The following ALMS1 variants were observed in gnomAD, a reference collection of about 807,000 sequenced individuals.
The protein encoded by ALMS1 is centrosome-associated protein ALMS1.
A neutral mutation model predicts 352.2 loss-of-function variants in ALMS1; 271 were observed. The observed-to-expected ratio is 0.77, with a 90% CI of 0.70 to 0.85. The LOEUF (loss-of-function observed/expected upper bound fraction) is 0.85. ALMS1 is among the 40% of genes least tolerant of loss of function. The probability of loss-of-function intolerance (pLI) is 0.00; values close to 1 mark genes in which losing one functional copy is unlikely to be tolerated. For missense variants in ALMS1, 5,445 were observed against 4,870.7 expected (o/e 1.12, Z -3.51); for synonymous variants, 1,865 against 1,761.2 (o/e 1.06, Z -1.48).
intron 16 of ALMS1, among the ~76,000 whole-genome samples, chr2:73,579,974 CT>C (rs1478946859): frequency 6.6e-6 from 1 of 152,136 alleles, no homozygotes; most frequent in African/African-American, 2.4e-5. Context: ...CCTTCTGCCC[CT>C]TTCTTTCTCT....
At chr2:73,512,712 T>C (rs1206398724) in intron 10 of ALMS1, among the ~76,000 whole-genome samples, 1 of 152,222 alleles carries the variant, frequency 6.6e-6, no homozygotes, top group Non-Finnish European at 1.5e-5. Context: ...AATACAGATT[T>C]GGTGGCCGGT....
At chr2:73,571,504 A>G (rs1377092178) in intron 15 of ALMS1, among the ~76,000 whole-genome samples, 9 of 152,114 alleles carry the variant, frequency 5.9e-5, no homozygotes, top group Non-Finnish European at 8.8e-5. Flanking sequence ...GCCAAACAGG[A>G]GCCTTCAGGC....
chr2:73,429,694 C>T (rs944460927), intron 6 of ALMS1, among the ~76,000 whole-genome samples: 1 of 152,206 alleles, frequency 6.6e-6, no homozygotes, highest in African/African-American at 2.4e-5. Context: ...CCTTTGGAGA[C>T]CTAGTTGCCT....
intron 6 of ALMS1, among the ~76,000 whole-genome samples, chr2:73,431,004 A>G (rs1272511265): frequency 6.6e-6 from 1 of 152,124 alleles, no homozygotes; most frequent in Non-Finnish European, 1.5e-5. Flanking sequence ...ACTTTGTGCT[A>G]TGTGGAGAGC....
intron 9 of ALMS1, among the ~76,000 whole-genome samples, chr2:73,486,324 G>A (rs1160248612): frequency 3.3e-5 from 5 of 152,080 alleles, no homozygotes; most frequent in East Asian, 1.9e-4. Flanking sequence ...CACTGACGCC[G>A]CAAGGAAGGG....
At chr2:73,539,878 A>G (rs915247372) in intron 12 of ALMS1, among the ~76,000 whole-genome samples, 1 of 152,188 alleles carries the variant, frequency 6.6e-6, no homozygotes, top group Non-Finnish European at 1.5e-5. Context: ...ATATGAAACA[A>G]CCAAATCTAC....
At chr2:73,558,577 T>C (rs1429367046) in intron 14 of ALMS1, among the ~76,000 whole-genome samples, 1 of 152,242 alleles carries the variant, frequency 6.6e-6, no homozygotes, top group African/African-American at 2.4e-5. Context: ...TCAAATGCTA[T>C]ATACTTGCTC....
chr2:73,591,842 A>T (rs1405478475), intron 16 of ALMS1, among the ~76,000 whole-genome samples: 1 of 152,184 alleles, frequency 6.6e-6, no homozygotes, highest in East Asian at 1.9e-4. Context: ...CCTTTGGGAA[A>T]CATGCTGTCT....
intron 2 of ALMS1, among the ~76,000 whole-genome samples, chr2:73,412,827 A>C (rs1472304597): frequency 1.3e-5 from 2 of 151,972 alleles, no homozygotes; most frequent in African/African-American, 4.8e-5. Context: ...AAACCCTAGG[A>C]ATGGGTTTGT....
intron 3 of ALMS1, among the ~76,000 whole-genome samples, chr2:73,420,394 C>T (rs1671260225): frequency 6.6e-6 from 1 of 152,084 alleles, no homozygotes; most frequent in African/African-American, 2.4e-5. Flanking sequence ...ATGATTTTTG[C>T]ATTTTTAAAG....
intron 16 of ALMS1, among the ~76,000 whole-genome samples, chr2:73,589,108 A>C (rs1465984795): frequency 6.6e-6 from 1 of 152,036 alleles, no homozygotes; most frequent in Non-Finnish European, 1.5e-5. Context: ...ATGAATTATG[A>C]TTTTTTCTTT....
intron 11 of ALMS1, among the ~76,000 whole-genome samples, chr2:73,528,076 G>A (rs1673829621): frequency 6.6e-6 from 1 of 151,780 alleles, no homozygotes; most frequent in South Asian, 2.1e-4. Context: ...TTTCATTATT[G>A]ATTTCTAGTT....
intron 1 of ALMS1, among the ~76,000 whole-genome samples, chr2:73,398,790 C>T (rs913649023): frequency 2.0e-5 from 3 of 152,078 alleles, no homozygotes; most frequent in Non-Finnish European, 2.9e-5. Context: ...AACCTATATT[C>T]TGCAGTTTTG....
intron 6 of ALMS1, among the ~76,000 whole-genome samples, chr2:73,429,851 G>A (rs764020152): frequency 5.9e-5 from 9 of 152,096 alleles, no homozygotes; most frequent in Non-Finnish European, 1.0e-4. Flanking sequence ...AAATTAGACT[G>A]ACTTGTAGAG....
At chr2:73,386,880 CT>C (rs912007229) in intron 1 of ALMS1, among the ~76,000 whole-genome samples, 1 of 152,148 alleles carries the variant, frequency 6.6e-6, no homozygotes, top group Admixed American at 6.5e-5. Flanking sequence ...CCTTACCCCC[CT>C]TTTTTTAACT....
intron 6 of ALMS1, among the ~76,000 whole-genome samples, chr2:73,429,472 G>A (rs1371668449): frequency 4.0e-5 from 6 of 151,760 alleles, no homozygotes; most frequent in South Asian, 2.1e-4. Flanking sequence ...TAGTAGAGAC[G>A]GGGTTTCACC....
intron 2 of ALMS1, among the ~76,000 whole-genome samples, chr2:73,418,396 A>G (rs1671218564): frequency 6.6e-6 from 1 of 152,168 alleles, no homozygotes; most frequent in South Asian, 2.1e-4. Flanking sequence ...GTGAATTCCC[A>G]AGCTAAAGCT....
At chr2:73,568,996 T>TTC (rs1491228766) in intron 15 of ALMS1, among the ~76,000 whole-genome samples, 1 of 30,086 alleles carries the variant, frequency 3.3e-5, no homozygotes, top group Non-Finnish European at 6.3e-5. Flanking sequence ...CTTCTGCTTC[T>TTC]TTTTTTTTTT....
intron 1 of ALMS1, among the ~76,000 whole-genome samples, chr2:73,386,534 A>G (rs1236515700): frequency 6.6e-6 from 1 of 151,958 alleles, no homozygotes; most frequent in Non-Finnish European, 1.5e-5. Flanking sequence ...GACCGGAGCG[A>G]GTGGTTGCCT....
Sources: gnomAD v4.1 joint callset for allele counts (sites outside exome capture counted in the v4.1 genomes callset) on GRCh38, gnomAD v4.1.1 for gene constraint, MANE v1.5 for transcripts, NCBI Gene and HGNC (gene_info 2026-07-23, HGNC 2026-07-21) for gene names.